USP6NL: variants seen among roughly 807,000 people sequenced by gnomAD.
USP6NL encodes USP6 N-terminal like.
Under a neutral mutation model 61.9 loss-of-function variants are expected in USP6NL, and 26 were observed. The ratio of observed to expected loss-of-function variants is 0.42; its 90% CI spans 0.31 to 0.58. The LOEUF (loss-of-function observed/expected upper bound fraction) is 0.58, where lower values mean the gene tolerates loss of function less well. USP6NL is among the 20% of genes least tolerant of loss of function. USP6NL has a pLI of 0.16. For missense variants in USP6NL, 1,114 were observed against 1,034.3 expected, an observed-to-expected ratio of 1.08 and a Z score of -1.06; for synonymous variants, 432 against 390.1, an observed-to-expected ratio of 1.11 and a Z score of -1.27.
intron 7 of USP6NL, among the ~76,000 whole-genome samples, chr10:11,498,675 A>G (rs1466819777): frequency 6.6e-6 from 1 of 152,188 alleles, no homozygotes; most frequent in East Asian, 1.9e-4. Flanking sequence ...TTATTTTAAA[A>G]TACGGCAATA....
chr10:11,579,576 C>A (rs1837670445), intron 2 of USP6NL, among the ~76,000 whole-genome samples: 1 of 152,176 alleles, frequency 6.6e-6, no homozygotes, highest in Admixed American at 6.5e-5. Context: ...CTCAGATTTT[C>A]AAGACCTAAT....
chr10:11,529,992 G>A (rs1344247343), intron 2 of USP6NL, among the ~76,000 whole-genome samples: 3 of 150,774 alleles, frequency 2.0e-5, no homozygotes, highest in African/African-American at 7.3e-5. Flanking sequence ...TCCCAGCTTA[G>A]TCGGGAGGCT....
intron 13 of USP6NL, among the ~76,000 whole-genome samples, chr10:11,484,111 T>A (rs955130602): frequency 6.6e-6 from 1 of 152,194 alleles, no homozygotes; most frequent in African/African-American, 2.4e-5. Flanking sequence ...CAACAGATCA[T>A]TCAAGAATAA....
rs1219874405 is a variant in USP6NL, at chr10:11,513,701, G to T, written c.196-4026C>A. On this transcript the variant is annotated intron_variant, in intron 5 of 14. Coordinates refer to ENST00000609104, the MANE Select transcript of USP6NL (RefSeq NM_014688.5). The surrounding 1 kb of genome is among the most constrained non-coding windows in gnomAD (Gnocchi z 4.7). ...AGAATGAAAACACATTATCCTACAT[G>T]ATTACAGTACCATTATATCCAAGAA... 5.9e-5 allele frequency among the ~76,000 whole-genome samples: 9 copies of T among 152,136 alleles called. No homozygotes were observed. Among genetic ancestry groups the T allele is most frequent in the African/African-American group, 2.2e-4 (9 of 41,430 alleles).
At position 11,474,898 on chromosome 10, in the gene USP6NL, G is replaced by GCTAT. The variant is rs1832901923; in HGVS notation, c.1078+6868_1078+6871dup. ...GTGTGGAAGCTGCGGACAGAAAAGT[G>GCTAT]CTATACCTTACACTAAGGAGTGTGG... On this transcript the variant is annotated intron_variant, in intron 14 of 14. Coordinates refer to ENST00000609104, the MANE Select transcript of USP6NL (RefSeq NM_014688.5). This position sits in a 1 kb window ranked among gnomAD's most constrained non-coding sequence, Gnocchi z 4.9. 6.6e-6 allele frequency among the ~76,000 whole-genome samples: 1 copy of GCTAT among 152,168 alleles called. No individual in the cohort carries two copies. Among genetic ancestry groups the GCTAT allele is most frequent in the Non-Finnish European group, 1.5e-5 (1 of 68,028 alleles).
intron 2 of USP6NL, among the ~76,000 whole-genome samples, chr10:11,557,570 C>T (rs1217325593): frequency 6.6e-6 from 1 of 152,186 alleles, no homozygotes; most frequent in Admixed American, 6.5e-5. Context: ...GGGCTGAAAC[C>T]TGACGACAGT....
Position 11,600,919 on chromosome 10 carries a change from G to A in USP6NL, c.-83-3202C>T, listed in dbSNP as rs1838504484. Among the ~76,000 whole-genome samples the A allele has an allele frequency of 6.6e-6, 1 of 151,670 alleles. No homozygotes were observed. The highest frequency in any genetic ancestry group is 6.6e-5 in the Admixed American group (1 of 15,234). On this transcript the variant is annotated intron_variant, in intron 1 of 14. Coordinates refer to ENST00000609104, the MANE Select transcript of USP6NL (RefSeq NM_014688.5). The surrounding 1 kb of genome is among the most constrained non-coding windows in gnomAD (Gnocchi z 4.1). ...GGAGGTGGAGGCTGCAGTAAGCCAA[G>A]ATCGCACCACTGCACTCCAGCCTGG... is the stretch of plus-strand genomic sequence containing the variant.
At chr10:11,508,689 T>G (rs1300118888) in intron 6 of USP6NL, among the ~76,000 whole-genome samples, 1 of 152,198 alleles carries the variant, frequency 6.6e-6, no homozygotes, top group African/African-American at 2.4e-5. Context: ...TAACGAGCAG[T>G]GACGAGACGG....
chr10:11,493,827 G>A (rs1173375856), intron 7 of USP6NL, among the ~76,000 whole-genome samples: 6 of 149,266 alleles, frequency 4.0e-5, no homozygotes, highest in African/African-American at 1.5e-4. Flanking sequence ...CTGCCTGTAC[G>A]GCCTGATCTC....
chr10:11,545,722 A>T lies in USP6NL; in HGVS notation c.5-18155T>A, dbSNP rs566969109. 2.0e-5 allele frequency among the ~76,000 whole-genome samples: 3 copies of T among 152,280 alleles called. No homozygotes were observed. The South Asian group carries it at 6.2e-4, about 32-fold the overall frequency. On this transcript the variant is annotated intron_variant, in intron 2 of 14. Coordinates refer to ENST00000609104, the MANE Select transcript of USP6NL (RefSeq NM_014688.5). ...CTGATCAATGTACCTACCAGATGAG[A>T]TTTTTTTATTTCTAACAAATCTGGA... is the stretch of plus-strand genomic sequence containing the variant.
At position 11,481,201 on chromosome 10, in the gene USP6NL, A is replaced by G. The variant is rs533695752; in HGVS notation, c.1078+569T>C. On this transcript the variant is annotated intron_variant, in intron 14 of 14. Transcript: ENST00000609104. The surrounding 1 kb of genome is among the most constrained non-coding windows in gnomAD (Gnocchi z 4.4). ...CAGAAAACCTATTAGTAGGTGCTGA[A>G]AAATGTCTTACAATAAGTGAATAAA... is the stretch of plus-strand genomic sequence containing the variant. Among the ~76,000 whole-genome samples, 1 of 152,352 alleles carries G rather than the reference A, an allele frequency of 6.6e-6. No homozygotes were observed. The highest frequency in any genetic ancestry group is 2.1e-4 in the South Asian group (1 of 4,830).
intron 7 of USP6NL, among the ~76,000 whole-genome samples, chr10:11,498,625 T>C (rs1834047361): frequency 6.6e-6 from 1 of 152,146 alleles, no homozygotes. Context: ...CATAAAAGTA[T>C]TCAAACAATG....
intron 2 of USP6NL, among the ~76,000 whole-genome samples, chr10:11,593,292 A>T (rs1043728362): frequency 6.6e-6 from 1 of 152,224 alleles, no homozygotes; most frequent in Non-Finnish European, 1.5e-5. Flanking sequence ...AAAGCTTTGG[A>T]AAAAGAAATT....
At chr10:11,545,182 C>T (rs369863069) in intron 2 of USP6NL, among the ~76,000 whole-genome samples, 10 of 152,114 alleles carry the variant, frequency 6.6e-5, no homozygotes, top group South Asian at 2.1e-4. Context: ...AAGGAAAAGA[C>T]CACTGCAACA....
chr10:11,581,331 C>A (rs2133606394), intron 2 of USP6NL, among the ~76,000 whole-genome samples: 1 of 152,336 alleles, frequency 6.6e-6, no homozygotes, highest in East Asian at 1.9e-4. Flanking sequence ...TGTTTTCACA[C>A]TTTCATATGT....
intron 14 of USP6NL, among the ~76,000 whole-genome samples, chr10:11,480,855 T>C (rs1833167990): frequency 6.6e-6 from 1 of 152,132 alleles, no homozygotes; most frequent in Admixed American, 6.5e-5. Flanking sequence ...CCCTAGCCTC[T>C]TACTACACCC....
At chr10:11,534,944 G>A (rs1002373208) in intron 2 of USP6NL, among the ~76,000 whole-genome samples, 1 of 152,132 alleles carries the variant, frequency 6.6e-6, no homozygotes, top group Non-Finnish European at 1.5e-5. Context: ...ATCATTGTTA[G>A]CTGCCAAAAA....
chr10:11,570,426 T>C (rs1156937011), intron 2 of USP6NL, among the ~76,000 whole-genome samples: 1 of 152,196 alleles, frequency 6.6e-6, no homozygotes, highest in Admixed American at 6.5e-5. Flanking sequence ...TCAGGACAGA[T>C]ACCAAAGCTC....
At chr10:11,488,988 G>A (rs1004288462) in intron 10 of USP6NL, 114 bp downstream of exon 10, 17 of 1,380,130 alleles carry the variant, frequency 1.2e-5, no homozygotes, top group South Asian at 3.2e-5. Flanking sequence ...TGAACTCAAC[G>A]AGCCCTGAGA....
Sources: allele counts gnomAD v4.1 joint callset (sites outside exome capture counted in the v4.1 genomes callset), GRCh38; gene constraint gnomAD v4.1.1; non-coding constraint Gnocchi (gnomAD v3.1); transcripts MANE v1.5; gene names NCBI Gene and HGNC (gene_info 2026-07-23, HGNC 2026-07-21).